PADI4: variants seen among roughly 807,000 people sequenced by gnomAD.
The protein encoded by PADI4 is protein-arginine deiminase type-4.
A neutral mutation model predicts 75.0 loss-of-function variants in PADI4; 62 were observed. The ratio of observed to expected loss-of-function variants is 0.83; its 90% CI spans 0.67 to 1.02. The LOEUF is 1.02. PADI4 is among the 50% of genes least tolerant of loss of function. The pLI is 0.00. For missense variants in PADI4, 845 were observed against 850.5 expected (o/e 0.99, Z 0.08); for synonymous variants, 361 against 348.1 (o/e 1.04, Z -0.41).
chr1:17,330,915 T>TG, intron 1 of PADI4, 54 bp from the exon 2 acceptor site: 1 of 1,223,682 alleles, frequency 8.2e-7, no homozygotes, highest in Non-Finnish European at 1.1e-6. Flanking sequence ...GAGCCATGGC[T>TG]GGCCCAGCCC....
intron 1 of PADI4, among the ~76,000 whole-genome samples, chr1:17,318,950 A>G (rs2073988487): frequency 6.6e-6 from 1 of 151,942 alleles, no homozygotes; most frequent in Non-Finnish European, 1.5e-5. Flanking sequence ...GGCCTCCCAA[A>G]GTGCTGGGAT....
chr1:17,352,039 G>GTGGGA lies in PADI4; in HGVS notation c.1156-2494_1156-2493insTGGGA, dbSNP rs1557576738. Among the ~76,000 whole-genome samples, 20 of 26,834 alleles carry GTGGGA rather than the reference G, an allele frequency of 7.5e-4. 2 individuals carry two copies. The highest frequency in any genetic ancestry group is 3.0e-3 in the African/African-American group (19 of 6,374). 17.6% of individuals were successfully genotyped at this position (26,834 alleles called of 152,430 possible). On this transcript the variant is annotated intron_variant, in intron 10 of 15. Coordinates refer to ENST00000375448, the MANE Select transcript of PADI4 (RefSeq NM_012387.3). ...GAGGCGGCCAGGGAGGTGATGGGAG[G>GTGGGA]AGAGGCAGTCAGGGAGGTGATGGGA...
intron 3 of PADI4, chr1:17,334,253 G>A (rs878992211): frequency 9.8e-6 from 5 of 508,800 alleles, no homozygotes; most frequent in Non-Finnish European, 1.8e-5. Context: ...TTAACATTTT[G>A]CTTCTCAAGT....
At chr1:17,342,493 A>C in intron 8 of PADI4, 91 bp downstream of exon 8, 1 of 744,182 alleles carries the variant, frequency 1.3e-6, no homozygotes, top group Non-Finnish European at 2.3e-6. Flanking sequence ...AAAAACAGTC[A>C]CCCCTCCCCT....
At chr1:17,323,795 T>C (rs991323494) in intron 1 of PADI4, among the ~76,000 whole-genome samples, 3 of 151,956 alleles carry the variant, frequency 2.0e-5, no homozygotes, top group African/African-American at 7.3e-5. Context: ...ATCACACCAC[T>C]ACACTCCAGC....
intron 10 of PADI4, among the ~76,000 whole-genome samples, chr1:17,351,992 A>AGGTG (rs1557576435): frequency 4.3e-4 from 12 of 27,588 alleles, no homozygotes; most frequent in Admixed American, 3.4e-3. Flanking sequence ...GAGGAGAGGC[A>AGGTG]GTCAGGGAGG....
intron 1 of PADI4, among the ~76,000 whole-genome samples, chr1:17,327,403 T>A (rs1457190327): frequency 6.6e-6 from 1 of 152,216 alleles, no homozygotes; most frequent in Non-Finnish European, 1.5e-5. Flanking sequence ...CTTTTATCCT[T>A]TTTAAAAATT....
chr1:17,352,669 A>G (rs2074685823), intron 10 of PADI4, among the ~76,000 whole-genome samples: 1 of 152,108 alleles, frequency 6.6e-6, no homozygotes, highest in South Asian at 2.1e-4. Context: ...GGTGGCAGGC[A>G]CCATCCCCTG....
intron 1 of PADI4, among the ~76,000 whole-genome samples, chr1:17,324,586 C>G (rs2074089373): frequency 6.6e-6 from 1 of 152,208 alleles, no homozygotes; most frequent in Non-Finnish European, 1.5e-5. Flanking sequence ...CCCACCTTGG[C>G]CTCCCAAAGC....
Position 17,358,877 on chromosome 1 carries a change from A to G in PADI4, c.1598A>G (p.Lys533Arg), listed in dbSNP as rs764551903. The G allele has an allele frequency of 6.2e-7, 1 of 1,608,696 alleles. No individual in the cohort carries two copies. The highest frequency in any genetic ancestry group is 2.2e-5 in the East Asian group (1 of 44,784). Residue 533 changes from lysine to arginine, a missense_variant, in exon 14 of 16, where the codon AAG (lysine) becomes AGG (arginine). Transcript: ENST00000375448. ...QQKIKNILSNKTLREHNSFVE... is the reference protein window; with the variant it reads ...QQKIKNILSNRTLREHNSFVE... The stretch of plus-strand genomic sequence containing the variant: ...AAAATAAAGAACATTCTGTCAAACA[A>G]GACATTGAGAGAACATAATTCATTT...
intron 10 of PADI4, among the ~76,000 whole-genome samples, chr1:17,352,014 GAGGCGGCCAGGGAGGTGAT>G: frequency 8.0e-5 from 1 of 12,564 alleles, no homozygotes; most frequent in Non-Finnish European, 1.4e-4. Context: ...GATGGGAGGA[GAGGCGGCCAGGGAGGTGAT>G]GGGAGGAGAG....
At chr1:17,347,400 G>A (rs182990191) in intron 9 of PADI4, among the ~76,000 whole-genome samples, 141 of 152,254 alleles carry the variant, frequency 9.3e-4, no homozygotes, top group African/African-American at 3.2e-3. Flanking sequence ...AGCCTGCGGA[G>A]GCGGAATTTT....
At chr1:17,361,108 C>T (rs1000902356) in intron 15 of PADI4, among the ~76,000 whole-genome samples, 4 of 143,872 alleles carry the variant, frequency 2.8e-5, no homozygotes, top group Admixed American at 2.1e-4. Flanking sequence ...GCCCTACCAC[C>T]GTGGTTTTCA....
chr1:17,334,591 C>T (rs1189999387), intron 3 of PADI4: 3 of 456,156 alleles, frequency 6.6e-6, no homozygotes, highest in African/African-American at 6.0e-5. Flanking sequence ...GCATGAACCA[C>T]TGCGCCAGGC....
chr1:17,348,389 A>G (rs773305118), intron 10 of PADI4, among the ~76,000 whole-genome samples: 2 of 152,094 alleles, frequency 1.3e-5, no homozygotes, highest in Non-Finnish European at 2.9e-5. Context: ...ATCTTTCCCA[A>G]TGCCCAGCTG....
At chr1:17,343,227 T>C (rs1402859623) in intron 8 of PADI4, among the ~76,000 whole-genome samples, 10 of 152,056 alleles carry the variant, frequency 6.6e-5, no homozygotes, top group Admixed American at 6.5e-4. Flanking sequence ...TTAAATTAAA[T>C]TAAATTAAAT....
chr1:17,343,918 C>T (rs964774091), intron 8 of PADI4, among the ~76,000 whole-genome samples: 7 of 152,004 alleles, frequency 4.6e-5, no homozygotes, highest in Admixed American at 1.3e-4. Flanking sequence ...TAGAGGGGGG[C>T]GTTGCTGAAA....
intron 1 of PADI4, among the ~76,000 whole-genome samples, chr1:17,321,589 G>T (rs146027670): frequency 6.6e-6 from 1 of 152,212 alleles, no homozygotes. Flanking sequence ...AATTGACTTC[G>T]TGAGGGTAGA....
chr1:17,320,901 C>T (rs1355464518), intron 1 of PADI4, among the ~76,000 whole-genome samples: 3 of 152,160 alleles, frequency 2.0e-5, no homozygotes, highest in Admixed American at 6.5e-5. Context: ...GTTCAAATGC[C>T]TCTGACACTT....
Sources: gnomAD v4.1 joint callset for allele counts (sites outside exome capture counted in the v4.1 genomes callset) on GRCh38, gnomAD v4.1.1 for gene constraint, MANE v1.5 for transcripts, NCBI Gene and HGNC (gene_info 2026-07-23, HGNC 2026-07-21) for gene names.